Variants in MARCHF1 observed in about 807,000 individuals in gnomAD.
The protein encoded by MARCHF1 is membrane associated ring-CH-type finger 1.
In MARCHF1, 40 loss-of-function variants were observed where a neutral mutation model predicts 54.2. The ratio of observed to expected loss-of-function variants is 0.74; its 90% confidence interval spans 0.57 to 0.96. MARCHF1 has a LOEUF of 0.96. Ranked by LOEUF, MARCHF1 falls within the 40% of genes least tolerant of loss-of-function variation. MARCHF1 has a pLI of 0.00. For synonymous variants in MARCHF1, 236 were observed against 236.3 expected (o/e 1.00, Z 0.01); for missense variants, 586 against 656.5 (o/e 0.89, Z 1.17).
At chr4:164,114,967 T>A (rs2110745964) in intron 1 of MARCHF1, among the ~76,000 whole-genome samples, 2 of 152,096 alleles carry the variant, frequency 1.3e-5, no homozygotes, top group East Asian at 3.9e-4. Flanking sequence ...TGAAGAATCA[T>A]CAAATGAAAT....
intron 1 of MARCHF1, among the ~76,000 whole-genome samples, chr4:164,120,826 G>A (rs1365076621): frequency 3.9e-5 from 6 of 152,118 alleles, no homozygotes; most frequent in East Asian, 1.9e-4. Flanking sequence ...ATGAGATATA[G>A]CAAAAGCAGT....
At chr4:163,601,041 C>T (rs909482373) in intron 7 of MARCHF1, among the ~76,000 whole-genome samples, 2 of 152,100 alleles carry the variant, frequency 1.3e-5, no homozygotes, top group African/African-American at 4.8e-5. Flanking sequence ...AAAGAAAACT[C>T]GTTGAGGTTG....
intron 1 of MARCHF1, among the ~76,000 whole-genome samples, chr4:164,368,196 GA>G (rs35189860): frequency 0.52 from 76,170 of 146,946 alleles, 20,317 homozygotes; most frequent in East Asian, 0.63. Flanking sequence ...AATCCTAGGT[GA>G]AAAAAAAAAA....
At position 164,071,093 on chromosome 4, in the gene MARCHF1, G is replaced by C. The variant is rs555177610; in HGVS notation, c.-248+40495C>G. 2.6e-5 allele frequency among the ~76,000 whole-genome samples: 4 copies of C among 152,238 alleles called. No homozygotes were observed. The South Asian group carries it at 6.2e-4, about 24-fold the overall frequency. Reference sequence around the variant, plus strand: ...CCAGTTAAACCTTTTTTTGTTCCCAGTTTCGAGTATGTCTTTATCAGTAGC... The same window carrying C: ...CCAGTTAAACCTTTTTTTGTTCCCACTTTCGAGTATGTCTTTATCAGTAGC... On this transcript the variant is annotated intron_variant, in intron 2 of 9. Coordinates refer to ENST00000514618, the MANE Select transcript of MARCHF1 (RefSeq NM_001394959.1).
chr4:163,584,156 A>C (rs914117078), intron 8 of MARCHF1: 24 of 151,142 alleles, frequency 1.6e-4, no homozygotes, highest in African/African-American at 5.1e-4. Context: ...AGACTTTTCA[A>C]GTTTCTTCTC....
chr4:163,751,091 TTCAAGA>T (rs1268338657), intron 4 of MARCHF1, among the ~76,000 whole-genome samples: 1 of 151,982 alleles, frequency 6.6e-6, no homozygotes, highest in Non-Finnish European at 1.5e-5. Flanking sequence ...AAACACTCAC[TTCAAGA>T]TAAAGAACAC....
chr4:163,751,071 G>T (rs888730712), intron 4 of MARCHF1, among the ~76,000 whole-genome samples: 3 of 152,086 alleles, frequency 2.0e-5, no homozygotes, highest in African/African-American at 7.2e-5. Flanking sequence ...ACTTAATGGT[G>T]TAATACTGAA....
chr4:163,719,769 C>A (rs1385297202), intron 4 of MARCHF1, among the ~76,000 whole-genome samples: 4 of 152,160 alleles, frequency 2.6e-5, no homozygotes, highest in Admixed American at 2.6e-4. Flanking sequence ...ATTTACATTT[C>A]TCTGATGGCC....
intron 4 of MARCHF1, among the ~76,000 whole-genome samples, chr4:163,722,034 T>C (rs956489455): frequency 2.6e-5 from 4 of 152,130 alleles, no homozygotes. Flanking sequence ...TCTCCTTTAG[T>C]TCTTCTCTAA....
chr4:164,184,040 T>C (rs1280391664), intron 1 of MARCHF1, among the ~76,000 whole-genome samples: 3 of 152,148 alleles, frequency 2.0e-5, no homozygotes, highest in African/African-American at 7.2e-5. Flanking sequence ...AAGTCTTGTA[T>C]GAAATCTATA....
chr4:163,842,508 A>T (rs17474334), intron 4 of MARCHF1, among the ~76,000 whole-genome samples: 86,066 of 151,850 alleles, frequency 0.57, 24,511 homozygotes, highest in South Asian at 0.63. Flanking sequence ...TTTGCAGTAT[A>T]GAAGAGTGTC....
Position 164,176,964 on chromosome 4 carries a change from CTCTCTCT to C in MARCHF1, c.-322-65309_-322-65303del, listed in dbSNP as rs1379484084. Among the ~76,000 whole-genome samples, 95 of 47,688 alleles carry C rather than the reference CTCTCTCT, an allele frequency of 2.0e-3. 15 individuals carry two copies. The highest frequency in any genetic ancestry group is 2.1e-3 in the Non-Finnish European group (58 of 27,392). The allele number at this position is 47,688 out of a possible 152,430, so 31.3% of individuals were successfully genotyped here. ...GCGCTCTCTCTCTCTCTCTCTCTCT[CTCTCTCT>C]CTCTCTCTCTATATATATATATATA... On this transcript the variant is annotated intron_variant, in intron 1 of 9. Transcript: ENST00000514618.
At position 163,873,043 on chromosome 4, in the gene MARCHF1, CAAAA is replaced by C. The variant is rs34308466; in HGVS notation, c.-38-18878_-38-18875del. Among the ~76,000 whole-genome samples the C allele has an allele frequency of 7.7e-3, 1,061 of 138,340 alleles. 8 individuals are homozygous for C. Among genetic ancestry groups the C allele is most frequent in the South Asian group, 0.03 (134 of 4,446 alleles). The allele number at this position is 138,340 out of a possible 152,430, so 90.8% of individuals were successfully genotyped here. ...TGGGCGACAGAGCGAGACTCCGTCT[CAAAA>C]AAAAAACAAACAAACAAACAAAAAA... On this transcript the variant is annotated intron_variant, in intron 3 of 9. Coordinates refer to ENST00000514618, the MANE Select transcript of MARCHF1 (RefSeq NM_001394959.1).
At chr4:163,934,093 A>G (rs1751739517) in intron 3 of MARCHF1, among the ~76,000 whole-genome samples, 1 of 152,218 alleles carries the variant, frequency 6.6e-6, no homozygotes, top group Admixed American at 6.5e-5. Flanking sequence ...GTACTTTTCC[A>G]TGCAGATATG....
chr4:163,970,586 C>A, intron 3 of MARCHF1, among the ~76,000 whole-genome samples: 1 of 152,148 alleles, frequency 6.6e-6, no homozygotes, highest in East Asian at 1.9e-4. Context: ...GTGTAAAGAA[C>A]AATGCACTAG....
At chr4:163,873,085 AAAC>A (rs1489823132) in intron 3 of MARCHF1, among the ~76,000 whole-genome samples, 46 of 145,232 alleles carry the variant, frequency 3.2e-4, no homozygotes, top group East Asian at 1.1e-3. Context: ...ACAAACAAAC[AAAC>A]AAAAAAAATG....
chr4:164,374,287 A>C (rs1731121762), intron 1 of MARCHF1, among the ~76,000 whole-genome samples: 1 of 152,176 alleles, frequency 6.6e-6, no homozygotes, highest in Non-Finnish European at 1.5e-5. Flanking sequence ...CTTTTAATCC[A>C]ATAATTATTA....
At chr4:163,764,658 G>T (rs1483617888) in intron 4 of MARCHF1, among the ~76,000 whole-genome samples, 2 of 152,000 alleles carry the variant, frequency 1.3e-5, no homozygotes, top group Non-Finnish European at 2.9e-5. Context: ...GGTAACGACT[G>T]CAGTGACCAT....
At chr4:163,809,141 C>T (rs972053661) in intron 4 of MARCHF1, among the ~76,000 whole-genome samples, 15 of 152,144 alleles carry the variant, frequency 9.9e-5, no homozygotes, top group African/African-American at 3.6e-4. Flanking sequence ...CAATCAACAA[C>T]ACACGATTTT....
Sources: allele counts gnomAD v4.1 joint callset (sites outside exome capture counted in the v4.1 genomes callset), GRCh38; gene constraint gnomAD v4.1.1; transcripts MANE v1.5; gene names NCBI Gene and HGNC (gene_info 2026-07-23, HGNC 2026-07-21).